The following MARCHF4 variants were observed in gnomAD, a reference collection of about 807,000 sequenced individuals.
The protein encoded by MARCHF4 is membrane associated ring-CH-type finger 4, also known as E3 ubiquitin-protein ligase MARCHF4.
A neutral mutation model predicts 43.9 loss-of-function variants in MARCHF4; 14 were observed. That is an observed-to-expected ratio of 0.32 (90% CI 0.21 to 0.50). The LOEUF (loss-of-function observed/expected upper bound fraction) is 0.50, where lower values mean the gene tolerates loss of function less well. MARCHF4 is among the 20% of genes least tolerant of loss of function. The pLI is 0.98. For synonymous variants in MARCHF4, 226 were observed against 213.3 expected (o/e 1.06, Z -0.52); for missense variants, 468 against 536.7 (o/e 0.87, Z 1.27).
chr2:216,263,182 T>C (rs1316036482), intron 3 of MARCHF4, among the ~76,000 whole-genome samples: 1 of 152,148 alleles, frequency 6.6e-6, no homozygotes. Context: ...ATCCCAGCAC[T>C]TTGGGAGGCC....
intron 1 of MARCHF4, among the ~76,000 whole-genome samples, chr2:216,326,314 A>G (rs1217203113): frequency 2.7e-5 from 4 of 150,238 alleles, no homozygotes; most frequent in Admixed American, 6.6e-5. Flanking sequence ...GGAAACAACA[A>G]GTGCTGGAGA....
chr2:216,362,979 A>T (rs1308634757), intron 1 of MARCHF4, among the ~76,000 whole-genome samples: 1 of 152,022 alleles, frequency 6.6e-6, no homozygotes, highest in East Asian at 1.9e-4. Flanking sequence ...CAGCTCGCTC[A>T]TTCCCACACT....
At chr2:216,262,190 G>A (rs1160240579) in intron 3 of MARCHF4, among the ~76,000 whole-genome samples, 1 of 152,198 alleles carries the variant, frequency 6.6e-6, no homozygotes, top group African/African-American at 2.4e-5. Context: ...TCGGAAAGTA[G>A]GAGTGTGAAT....
At chr2:216,354,385 C>T (rs1692450143) in intron 1 of MARCHF4, among the ~76,000 whole-genome samples, 1 of 152,224 alleles carries the variant, frequency 6.6e-6, no homozygotes, top group African/African-American at 2.4e-5. Context: ...TACTCAACCA[C>T]TAAAAGGCAA....
intron 3 of MARCHF4, among the ~76,000 whole-genome samples, chr2:216,271,184 G>A (rs188162778): frequency 1.8e-4 from 28 of 152,224 alleles, no homozygotes; most frequent in African/African-American, 6.7e-4. Flanking sequence ...ACTGCTCCAA[G>A]CCCCTTGCCC....
At chr2:216,272,858 G>A (rs1690961711) in intron 3 of MARCHF4, among the ~76,000 whole-genome samples, 1 of 152,222 alleles carries the variant, frequency 6.6e-6, no homozygotes, top group Non-Finnish European at 1.5e-5. Context: ...GTATAACCAA[G>A]TCTAAAGACA....
chr2:216,277,376 G>A (rs143648371), intron 3 of MARCHF4, among the ~76,000 whole-genome samples: 11 of 152,212 alleles, frequency 7.2e-5, no homozygotes, highest in Non-Finnish European at 1.2e-4. Context: ...CATCCTGCTT[G>A]AAGTACATAG....
intron 1 of MARCHF4, among the ~76,000 whole-genome samples, chr2:216,352,742 A>G (rs971375486): frequency 3.9e-5 from 6 of 152,206 alleles, no homozygotes; most frequent in Non-Finnish European, 7.3e-5. Context: ...TACCATAGAT[A>G]TCTCATCTTG....
At chr2:216,350,123 C>T (rs995648991) in intron 1 of MARCHF4, among the ~76,000 whole-genome samples, 4 of 152,042 alleles carry the variant, frequency 2.6e-5, no homozygotes, top group Non-Finnish European at 2.9e-5. Context: ...CTATGCCACA[C>T]GATGCCACGC....
chr2:216,294,403 T>C (rs1218045384), intron 1 of MARCHF4, among the ~76,000 whole-genome samples: 1 of 152,250 alleles, frequency 6.6e-6, no homozygotes, highest in East Asian at 1.9e-4. Context: ...AAACAGCAGA[T>C]GTTGCAAGTG....
At chr2:216,324,745 G>T (rs1691959976) in intron 1 of MARCHF4, among the ~76,000 whole-genome samples, 1 of 126,732 alleles carries the variant, frequency 7.9e-6, no homozygotes, top group Non-Finnish European at 1.6e-5. Context: ...TGCAGAAAAG[G>T]CCTTTGACAA....
At chr2:216,328,653 A>G (rs1449003683) in intron 1 of MARCHF4, among the ~76,000 whole-genome samples, 1 of 152,238 alleles carries the variant, frequency 6.6e-6, no homozygotes, top group African/African-American at 2.4e-5. Context: ...GGGCAACTCA[A>G]AGAGTAAATC....
At position 216,289,894 on chromosome 2, in the gene MARCHF4, C is replaced by T. The variant is rs553591965; in HGVS notation, c.517-6165G>A. 2.0e-5 allele frequency among the ~76,000 whole-genome samples: 3 copies of T among 152,302 alleles called. No homozygotes were observed. The South Asian group carries it at 6.2e-4, about 32-fold the overall frequency. On this transcript the variant is annotated intron_variant, in intron 1 of 3. Coordinates refer to ENST00000273067, the MANE Select transcript of MARCHF4 (RefSeq NM_020814.3). Reference sequence around the variant, plus strand: ...CTAATATGGTGGTGAAAAGCTTGGGCTCTAATCTCAGGAAGACTTGGGTAT... The same window carrying T: ...CTAATATGGTGGTGAAAAGCTTGGGTTCTAATCTCAGGAAGACTTGGGTAT...
chr2:216,269,536 G>A (rs1189782040), intron 3 of MARCHF4, among the ~76,000 whole-genome samples: 2 of 152,140 alleles, frequency 1.3e-5, no homozygotes, highest in Non-Finnish European at 2.9e-5. Flanking sequence ...AGGTTCAGGC[G>A]ATCTCTATAT....
At chr2:216,326,093 T>C (rs1171847066) in intron 1 of MARCHF4, among the ~76,000 whole-genome samples, 2 of 142,814 alleles carry the variant, frequency 1.4e-5, no homozygotes, top group Non-Finnish European at 3.1e-5. Flanking sequence ...GAATCTACAA[T>C]GAACTCAAAC....
At position 216,342,474 on chromosome 2, in the gene MARCHF4, T is replaced by A. The variant is rs529712408; in HGVS notation, c.516+27271A>T. ...CTCCAGTCGGCATGTGTCCTGTTGA[T>A]GGTTGGGCTGGGGCTGAGGACAGGT... On this transcript the variant is annotated intron_variant, in intron 1 of 3. Coordinates refer to ENST00000273067, the MANE Select transcript of MARCHF4 (RefSeq NM_020814.3). Among the ~76,000 whole-genome samples, 17 of 152,168 alleles carry A rather than the reference T, an allele frequency of 1.1e-4. No individual in the cohort carries two copies. The East Asian group carries it at 2.9e-3, about 26-fold the overall frequency.
At chr2:216,350,959 G>A (rs1692397101) in intron 1 of MARCHF4, among the ~76,000 whole-genome samples, 1 of 152,134 alleles carries the variant, frequency 6.6e-6, no homozygotes, top group Non-Finnish European at 1.5e-5. Flanking sequence ...TGAACTTGGA[G>A]CCAGGAGCCC....
intron 1 of MARCHF4, among the ~76,000 whole-genome samples, chr2:216,352,126 A>G (rs941176098): frequency 5.3e-5 from 8 of 152,162 alleles, no homozygotes; most frequent in Non-Finnish European, 1.2e-4. Flanking sequence ...TGCCAACCAC[A>G]TTGGAGGGAC....
At chr2:216,342,136 A>G (rs1444225434) in intron 1 of MARCHF4, among the ~76,000 whole-genome samples, 1 of 152,228 alleles carries the variant, frequency 6.6e-6, no homozygotes, top group East Asian at 1.9e-4. Context: ...ATTTGTTTAC[A>G]TAGCCAGACT....
Sources: gnomAD v4.1 joint callset for allele counts (sites outside exome capture counted in the v4.1 genomes callset) on GRCh38, gnomAD v4.1.1 for gene constraint, MANE v1.5 for transcripts, NCBI Gene and HGNC (gene_info 2026-07-23, HGNC 2026-07-21) for gene names.